The following EIF3D variants were observed in gnomAD, a reference collection of about 807,000 sequenced individuals.
EIF3D encodes the protein eukaryotic translation initiation factor 3 subunit D.
A neutral mutation model predicts 75.4 loss-of-function variants in EIF3D; 10 were observed. The ratio of observed to expected loss-of-function variants is 0.13; its 90% CI spans 0.08 to 0.22. The LOEUF is 0.22. Among genes scored for constraint, EIF3D ranks in the 10% least tolerant of loss-of-function variants. The pLI is 1.00. For synonymous variants in EIF3D, 246 were observed against 248.3 expected, an observed-to-expected ratio of 0.99 and a Z score of 0.09; for missense variants, 394 against 708.0, an observed-to-expected ratio of 0.56 and a Z score of 5.03.
intron 9 of EIF3D, among the ~76,000 whole-genome samples, chr22:36,517,728 T>C (rs1934449932): frequency 6.6e-6 from 1 of 152,138 alleles, no homozygotes; most frequent in Admixed American, 6.5e-5. Flanking sequence ...AATAAAGACC[T>C]CAGGCTTCAG....
intron 4 of EIF3D, 139 bp downstream of exon 4, chr22:36,524,456 TG>T: frequency 8.2e-7 from 1 of 1,224,232 alleles, no homozygotes; most frequent in Non-Finnish European, 1.1e-6. Context: ...CCACTTGTTA[TG>T]GAACGGTGAC....
At chr22:36,511,052 G>T in intron 14 of EIF3D, 52 bp from the exon 15 acceptor site, 1 of 1,579,090 alleles carries the variant, frequency 6.3e-7, no homozygotes, top group South Asian at 1.2e-5. Context: ...GTGATATGAT[G>T]TTCACTTTCC....
chr22:36,525,930 A>G, intron 2 of EIF3D, 69 bp downstream of exon 2: 1 of 1,544,128 alleles, frequency 6.5e-7, no homozygotes, highest in Non-Finnish European at 8.7e-7. Context: ...AGACAATAAA[A>G]TCTAAACAGG....
intron 7 of EIF3D, among the ~76,000 whole-genome samples, chr22:36,519,986 C>A (rs1291069135): frequency 1.3e-5 from 2 of 152,174 alleles, no homozygotes; most frequent in East Asian, 1.9e-4. Flanking sequence ...TCTTATTGCT[C>A]TTTTGCTCAG....
chr22:36,525,641 C>A (rs745441914), intron 3 of EIF3D, 23 bp downstream of exon 3: 6 of 1,611,350 alleles, frequency 3.7e-6, no homozygotes, highest in Non-Finnish European at 2.5e-6. Flanking sequence ...CTGATTGGGG[C>A]ATTCAGTTGC....
chr22:36,522,343 A>G (rs1244955791), intron 6 of EIF3D, among the ~76,000 whole-genome samples: 1 of 152,174 alleles, frequency 6.6e-6, no homozygotes, highest in Non-Finnish European at 1.5e-5. Context: ...TGACAGAGCA[A>G]GACTCTGTCT....
At position 36,511,492 on chromosome 22, in the gene EIF3D, CT is replaced by C. The variant is rs755318354; in HGVS notation, c.1633+10del. ...ATCACTCTAGACCTCAGAAAGTGGG[CT>C]GCTACACACCTTCTTCTTCCTCTTC... On this transcript the variant is annotated intron_variant, in intron 14 of 14. Coordinates refer to ENST00000216190, the MANE Select transcript of EIF3D (RefSeq NM_003753.4). 3 of 1,613,554 alleles carry C rather than the reference CT, an allele frequency of 1.9e-6. No homozygotes were observed. In the East Asian group the frequency reaches 6.7e-5, roughly 36 times the overall value.
At position 36,512,510 on chromosome 22, in the gene EIF3D, G is replaced by C. The variant is rs1162973884; in HGVS notation, c.1299C>G (p.Ala433=). 1.9e-6 allele frequency: 3 copies of C among 1,614,200 alleles called. No homozygotes were observed. The highest frequency in any genetic ancestry group is 2.5e-6 in the Non-Finnish European group (3 of 1,180,038). The part of the protein sequence containing the change: ...TELKNNSYKL[A]RWTCCALLAG... ...CCAGCAAAGCACAGCAGGTCCACCGGGCCAACTTGTAGCTGTTGTTCTTCA... is the reference window on the plus strand; with the variant it reads ...CCAGCAAAGCACAGCAGGTCCACCGCGCCAACTTGTAGCTGTTGTTCTTCA... The change falls in exon 13 of 15, where the codon GCC becomes GCG. Residue 433 remains alanine (A), a synonymous_variant. Transcript: ENST00000216190.
chr22:36,524,555 T>G, intron 4 of EIF3D, 41 bp downstream of exon 4: 3 of 1,611,852 alleles, frequency 1.9e-6, no homozygotes, highest in Non-Finnish European at 2.5e-6. Flanking sequence ...TGGCCAACAG[T>G]AACAGCCCCA....
Position 36,511,487 on chromosome 22 carries a change from G to C in EIF3D, c.1633+16C>G, listed in dbSNP as rs756338347. 1 of 1,613,468 alleles carries C rather than the reference G, an allele frequency of 6.2e-7. No individual in the cohort carries two copies. Among genetic ancestry groups the C allele is most frequent in the Non-Finnish European group, 8.5e-7 (1 of 1,179,936 alleles). ...CACAGATCACTCTAGACCTCAGAAA[G>C]TGGGCTGCTACACACCTTCTTCTTC... is the stretch of plus-strand genomic sequence containing the variant. On this transcript the variant is annotated intron_variant, in intron 14 of 14. Transcript: ENST00000216190.
At chr22:36,528,397 G>T (rs1344098955) in intron 1 of EIF3D, among the ~76,000 whole-genome samples, 1 of 150,432 alleles carries the variant, frequency 6.6e-6, no homozygotes, top group Non-Finnish European at 1.5e-5. Context: ...AGCCAGGGAT[G>T]AGATACCCTG....
intron 12 of EIF3D, among the ~76,000 whole-genome samples, chr22:36,514,561 C>T (rs1340798502): frequency 6.6e-6 from 1 of 152,112 alleles, no homozygotes; most frequent in Admixed American, 6.6e-5. Flanking sequence ...AGATCTGAAG[C>T]ACAAGAAGGA....
chr22:36,519,620 T>C (rs576272499), intron 7 of EIF3D, 83 bp from the exon 8 acceptor site: 18 of 1,575,596 alleles, frequency 1.1e-5, no homozygotes, highest in African/African-American at 1.1e-4. Flanking sequence ...CCAGAAGTCT[T>C]ATCCAAAAGT....
At chr22:36,520,255 TA>T in intron 7 of EIF3D, among the ~76,000 whole-genome samples, 1 of 152,018 alleles carries the variant, frequency 6.6e-6, no homozygotes, top group African/African-American at 2.4e-5. Context: ...CTCCAGGGTT[TA>T]AGTGATTCTC....
At chr22:36,517,995 G>A (rs1934453873) in intron 9 of EIF3D, among the ~76,000 whole-genome samples, 1 of 152,020 alleles carries the variant, frequency 6.6e-6, no homozygotes, top group Non-Finnish European at 1.5e-5. Flanking sequence ...GTGATTCTCC[G>A]CCTCGGCCTC....
intron 1 of EIF3D, among the ~76,000 whole-genome samples, chr22:36,527,074 G>A (rs1934616545): frequency 6.6e-6 from 1 of 152,110 alleles, no homozygotes; most frequent in South Asian, 2.1e-4. Flanking sequence ...TGCCATCAAC[G>A]CAAATCCTGT....
Position 36,511,660 on chromosome 22 carries a change from G to A in EIF3D, c.1476C>T (p.Arg492=). Residue 492 remains arginine (R), a synonymous_variant, in exon 14 of 15, where the codon CGC becomes CGT. Coordinates refer to ENST00000216190, the MANE Select transcript of EIF3D (RefSeq NM_003753.4). ...LSVENAWGIL[R]CVIDICMKLE... ...GCTTCATGCAGATGTCAATGACGCA[G>A]CGTAAAATGCCCCAGGCATTCTCCA... 6.2e-7 allele frequency: 1 copy of A among 1,614,162 alleles called. No individual in the cohort carries two copies. Among genetic ancestry groups the A allele is most frequent in the Middle Eastern group, 1.6e-4 (1 of 6,062 alleles).
intron 1 of EIF3D, among the ~76,000 whole-genome samples, chr22:36,528,592 A>ACG (rs1491547261): frequency 1.0e-5 from 1 of 100,410 alleles, no homozygotes; most frequent in African/African-American, 8.4e-5. Flanking sequence ...CCATCGCTGA[A>ACG]CAGGGGGTGG....
At position 36,510,944 on chromosome 22, in the gene EIF3D, G is replaced by A. The variant is rs746075954; in HGVS notation, c.*43C>T. ...ATTCCACTAAGCATCAAAGGCCCTC[G>A]TAGTCTCGGTGGAAGGACAAACTCC... On this transcript the variant is annotated 3_prime_UTR_variant, in exon 15 of 15. Transcript: ENST00000216190. 49 of 1,588,082 alleles carry A rather than the reference G, an allele frequency of 3.1e-5. No homozygotes were observed. Among genetic ancestry groups the A allele is most frequent in the Non-Finnish European group, 3.7e-5 (43 of 1,170,858 alleles).
Sources: allele counts gnomAD v4.1 joint callset (sites outside exome capture counted in the v4.1 genomes callset), GRCh38; gene constraint gnomAD v4.1.1; transcripts MANE v1.5; gene names NCBI Gene and HGNC (gene_info 2026-07-23, HGNC 2026-07-21).